The following PTPRN2 variants were observed in gnomAD, a reference collection of about 807,000 sequenced individuals.
PTPRN2 encodes receptor-type tyrosine-protein phosphatase N2.
PTPRN2 carries 74 observed loss-of-function variants against 118.8 expected under a neutral mutation model. The ratio of observed to expected loss-of-function variants is 0.62; its 90% CI spans 0.52 to 0.76. The LOEUF (loss-of-function observed/expected upper bound fraction) is 0.76. Ranked by LOEUF, PTPRN2 falls within the 30% of genes least tolerant of loss-of-function variation. PTPRN2 has a pLI of 0.00. For missense variants in PTPRN2, 1,481 were observed against 1,394.4 expected, an observed-to-expected ratio of 1.06 and a Z score of -0.99; for synonymous variants, 641 against 608.0, an observed-to-expected ratio of 1.05 and a Z score of -0.80.
intron 12 of PTPRN2, among the ~76,000 whole-genome samples, chr7:157,876,691 G>C (rs181877745): frequency 6.6e-6 from 1 of 152,176 alleles, no homozygotes; most frequent in Admixed American, 6.5e-5. Flanking sequence ...CACCCCAAGA[G>C]TGAGGATGGG....
chr7:158,369,776 T>C (rs1004856978), intron 2 of PTPRN2, among the ~76,000 whole-genome samples: 3 of 152,162 alleles, frequency 2.0e-5, no homozygotes, highest in Non-Finnish European at 4.4e-5. Flanking sequence ...GGAAAATAAA[T>C]AGGTTTTAAA....
intron 1 of PTPRN2, among the ~76,000 whole-genome samples, chr7:158,581,508 GAA>G (rs1446732344): frequency 6.6e-6 from 1 of 151,248 alleles, no homozygotes; most frequent in Non-Finnish European, 1.5e-5. Flanking sequence ...CACCAAAAAA[GAA>G]AAGTCCATTT....
At chr7:158,567,161 A>G (rs1169506529) in intron 1 of PTPRN2, among the ~76,000 whole-genome samples, 1 of 152,238 alleles carries the variant, frequency 6.6e-6, no homozygotes, top group Non-Finnish European at 1.5e-5. Context: ...CATTTTCACA[A>G]GTCCCCATTA....
At chr7:157,576,559 C>T in intron 19 of PTPRN2, 54 bp downstream of exon 19, 2 of 1,514,798 alleles carry the variant, frequency 1.3e-6, no homozygotes, top group South Asian at 1.2e-5. Flanking sequence ...AGCCTCGCTC[C>T]CCTGTGCCGC....
At chr7:157,948,904 A>C in intron 11 of PTPRN2, among the ~76,000 whole-genome samples, 1 of 152,202 alleles carries the variant, frequency 6.6e-6, no homozygotes, top group East Asian at 1.9e-4. Context: ...ATTTTTTTCA[A>C]CCAAATGTGA....
chr7:157,807,231 C>G (rs940260619), intron 12 of PTPRN2, among the ~76,000 whole-genome samples: 2 of 152,202 alleles, frequency 1.3e-5, no homozygotes, highest in African/African-American at 2.4e-5. Context: ...AGGTGCCCAG[C>G]CCTTTCCGTG....
intron 11 of PTPRN2, among the ~76,000 whole-genome samples, chr7:157,942,227 G>A (rs1275290322): frequency 1.4e-5 from 2 of 142,518 alleles, no homozygotes; most frequent in African/African-American, 2.7e-5. Flanking sequence ...CCACACACGG[G>A]AGTCCTCGGC....
intron 1 of PTPRN2, among the ~76,000 whole-genome samples, chr7:158,577,619 C>A (rs898614258): frequency 1.3e-5 from 2 of 152,266 alleles, no homozygotes; most frequent in African/African-American, 4.8e-5. Context: ...TAAGAAAGCC[C>A]AAACAGCAAA....
intron 9 of PTPRN2, among the ~76,000 whole-genome samples, chr7:158,128,943 CCAAA>C (rs1392421924): frequency 6.6e-6 from 1 of 151,288 alleles, no homozygotes; most frequent in Admixed American, 6.6e-5. Flanking sequence ...ACACAGGCAA[CCAAA>C]CACACACACA....
intron 12 of PTPRN2, among the ~76,000 whole-genome samples, chr7:157,759,332 C>G (rs190565754): frequency 6.6e-6 from 1 of 152,206 alleles, no homozygotes; most frequent in Non-Finnish European, 1.5e-5. Flanking sequence ...TAGGCAGCAT[C>G]GGGGAGCGAT....
At chr7:158,147,913 C>A (rs1398715785) in intron 6 of PTPRN2, among the ~76,000 whole-genome samples, 9 of 135,502 alleles carry the variant, frequency 6.6e-5, no homozygotes, top group Admixed American at 1.4e-4. Flanking sequence ...ACTGACACCC[C>A]ATCTCACGCC....
chr7:158,518,816 C>G lies in PTPRN2; in HGVS notation c.113-29031G>C, dbSNP rs188205603. Among the ~76,000 whole-genome samples the G allele has an allele frequency of 5.6e-4, 85 of 152,234 alleles. 2 individuals carry two copies. The East Asian group carries it at 0.015, about 27-fold the overall frequency. On this transcript the variant is annotated intron_variant, in intron 1 of 22. Coordinates refer to ENST00000389418, the MANE Select transcript of PTPRN2 (RefSeq NM_002847.5). ...CCTGGGCAACATGGCGAAACCCCGT[C>G]TCTATAAAAAGTACAAAAATTAGCT...
chr7:157,713,417 A>G (rs998834987), intron 12 of PTPRN2, among the ~76,000 whole-genome samples: 3 of 152,214 alleles, frequency 2.0e-5, no homozygotes, highest in African/African-American at 7.2e-5. Flanking sequence ...AGAATAGTGT[A>G]CGTAGGTAGA....
intron 1 of PTPRN2, among the ~76,000 whole-genome samples, chr7:158,497,473 C>T (rs776384272): frequency 4.6e-5 from 7 of 151,962 alleles, no homozygotes; most frequent in Admixed American, 1.3e-4. Flanking sequence ...ACACTCTCAG[C>T]GCAGGGCATT....
chr7:158,499,540 A>G (rs1822197795), intron 1 of PTPRN2, among the ~76,000 whole-genome samples: 1 of 152,200 alleles, frequency 6.6e-6, no homozygotes, highest in Non-Finnish European at 1.5e-5. Flanking sequence ...CTATAATCCC[A>G]ACACACTGGG....
chr7:158,171,958 C>T (rs1563556672), intron 5 of PTPRN2, among the ~76,000 whole-genome samples: 1 of 152,210 alleles, frequency 6.6e-6, no homozygotes, highest in Non-Finnish European at 1.5e-5. Flanking sequence ...AGTCTTCAAA[C>T]TATGTGTAAG....
intron 12 of PTPRN2, among the ~76,000 whole-genome samples, chr7:157,809,994 T>G (rs1049830263): frequency 1.3e-5 from 2 of 151,948 alleles, no homozygotes; most frequent in African/African-American, 4.8e-5. Flanking sequence ...GGGGAGGAGA[T>G]CAGGGAACCG....
intron 1 of PTPRN2, among the ~76,000 whole-genome samples, chr7:158,535,752 T>G (rs1451244360): frequency 6.6e-6 from 1 of 151,710 alleles, no homozygotes; most frequent in East Asian, 1.9e-4. Context: ...ATGATTGTTT[T>G]TACATAAAGT....
Position 158,070,556 on chromosome 7 carries a change from ATGG to A in PTPRN2, c.1723+10739_1723+10741del, listed in dbSNP as rs757334093. 2.5e-3 allele frequency among the ~76,000 whole-genome samples: 89 copies of A among 35,056 alleles called. 5 individuals are homozygous for A. The highest frequency in any genetic ancestry group is 0.011 in the African/African-American group (72 of 6,816). The allele number at this position is 35,056 out of a possible 152,430, so 23.0% of individuals were successfully genotyped here. On this transcript the variant is annotated intron_variant, in intron 11 of 22. Coordinates refer to ENST00000389418, the MANE Select transcript of PTPRN2 (RefSeq NM_002847.5). ...GGTGCTCCTGGTGGTGGAGGTGCCC[ATGG>A]TGGTGGTGGAGGTGCCCGTGGTGGT...
Sources: allele counts gnomAD v4.1 joint callset (sites outside exome capture counted in the v4.1 genomes callset), GRCh38; gene constraint gnomAD v4.1.1; transcripts MANE v1.5; gene names NCBI Gene and HGNC (gene_info 2026-07-23, HGNC 2026-07-21).